CPT1C: variants seen among roughly 807,000 people sequenced by gnomAD.
CPT1C encodes the protein carnitine palmitoyltransferase 1C.
CPT1C carries 61 observed loss-of-function variants against 97.3 expected under a neutral mutation model. The observed-to-expected ratio is 0.63, with a 90% CI of 0.51 to 0.78. The LOEUF (loss-of-function observed/expected upper bound fraction) is 0.78. CPT1C is among the 30% of genes least tolerant of loss of function. The pLI is 0.00. For synonymous variants in CPT1C, 469 were observed against 447.2 expected (o/e 1.05, Z -0.61); for missense variants, 975 against 1,065.5 (o/e 0.92, Z 1.18).
chr19:49,712,624 G>A (rs1353525627), intron 17 of CPT1C, 112 bp from the exon 18 acceptor site: 1 of 758,982 alleles, frequency 1.3e-6, no homozygotes, highest in East Asian at 2.7e-5. Flanking sequence ...TAGGGAGAAG[G>A]AGGCCCGGAT....
chr19:49,711,978 A>G lies in CPT1C; in HGVS notation c.2019+17A>G, dbSNP rs538359078. 29 of 1,608,238 alleles carry G rather than the reference A, an allele frequency of 1.8e-5. No individual in the cohort carries two copies. The highest frequency in any genetic ancestry group is 4.5e-5 in the East Asian group (2 of 44,732). On this transcript the variant is annotated intron_variant, in intron 17 of 19. Coordinates refer to ENST00000598293, the MANE Select transcript of CPT1C (RefSeq NM_001199753.2). The stretch of plus-strand genomic sequence containing the variant: ...CTGACCCAGGTTGGGGCACAGGGAA[A>G]GGGTTAGAGAGGGAAGTGGGAGACC...
rs2082973222 is a variant in CPT1C at position 49,700,808 on chromosome 19, C to T, written c.406C>T (p.Leu136Phe). The T allele has an allele frequency of 6.2e-7, 1 of 1,613,426 alleles. No homozygotes were observed. Among genetic ancestry groups the T allele is most frequent in the Admixed American group, 1.7e-5 (1 of 60,022 alleles). ...LRLLLSYHGWLLEPHGAMSSP... is the reference protein window; with the variant it reads ...LRLLLSYHGWFLEPHGAMSSP... The stretch of plus-strand genomic sequence containing the variant: ...GCTGCTTCTGTCCTACCACGGCTGG[C>T]TTCTTGAGCCCCACGGAGCCATGTC... Residue 136 changes from leucine to phenylalanine, a missense_variant, in exon 5 of 20, where the codon CTT becomes TTT. Transcript: ENST00000598293.
intron 19 of CPT1C, 108 bp downstream of exon 19, chr19:49,713,172 C>T (rs2084025678): frequency 2.9e-6 from 3 of 1,023,872 alleles, no homozygotes; most frequent in Non-Finnish European, 4.5e-6. Context: ...CCAGCCCCTC[C>T]TCCCTCAGAC....
chr19:49,695,935 A>G (rs1248265802), intron 3 of CPT1C, among the ~76,000 whole-genome samples: 1 of 151,414 alleles, frequency 6.6e-6, no homozygotes, highest in Non-Finnish European at 1.5e-5. Flanking sequence ...GGAGTGCAAT[A>G]GCAGGATCTT....
Position 49,710,893 on chromosome 19 carries a change from C to A in CPT1C, c.1866+36C>A, listed in dbSNP as rs148792995. On this transcript the variant is annotated intron_variant, in intron 16 of 19. Transcript: ENST00000598293. ...CCCTCGCTTGAGGCTTCAGTTATTT[C>A]TGTGTACTCACTCATCCACTTGCAA... 5.6e-5 allele frequency: 88 copies of A among 1,584,810 alleles called. 1 individual carries two copies. In the African/African-American group the frequency reaches 1.1e-3, roughly 19 times the overall value.
rs370066575 is a variant in CPT1C at position 49,692,409 on chromosome 19, G to A, written c.141+16G>A. 4.3e-6 allele frequency: 7 copies of A among 1,613,432 alleles called. No homozygotes were observed. In the African/African-American group the frequency reaches 8.0e-5, roughly 18 times the overall value. Reference sequence around the variant, plus strand: ...ACGTTTCTGGGTGAGGAGCGGTGCTGGTCGGTTTCCTTCCGGGGATCCAGG... The same window carrying A: ...ACGTTTCTGGGTGAGGAGCGGTGCTAGTCGGTTTCCTTCCGGGGATCCAGG... On this transcript the variant is annotated intron_variant, in intron 3 of 19. Coordinates refer to ENST00000598293, the MANE Select transcript of CPT1C (RefSeq NM_001199753.2).
At chr19:49,709,663 T>C (rs1337162637) in intron 14 of CPT1C, among the ~76,000 whole-genome samples, 4 of 151,190 alleles carry the variant, frequency 2.6e-5, no homozygotes, top group Non-Finnish European at 4.4e-5. Flanking sequence ...CAAGCGATTC[T>C]CTTGCCTCAG....
In CPT1C at chr19:49,710,498, C is replaced by T; in HGVS notation, c.1731+14C>T. On this transcript the variant is annotated intron_variant, in intron 15 of 19. Transcript: ENST00000598293. ...GCCCACTTCCGGGTCAGTTGGGTTC[C>T]CCATCCACAGCCCCCGCAGGGTCTC... 1 of 1,614,116 alleles carries T rather than the reference C, an allele frequency of 6.2e-7. No individual in the cohort carries two copies. The highest frequency in any genetic ancestry group is 2.2e-5 in the East Asian group (1 of 44,874).
chr19:49,693,549 T>C (rs1219379781), intron 3 of CPT1C, among the ~76,000 whole-genome samples: 2 of 152,230 alleles, frequency 1.3e-5, no homozygotes, highest in African/African-American at 4.8e-5. Context: ...ATATTGTTCT[T>C]CATTCATTCA....
intron 3 of CPT1C, among the ~76,000 whole-genome samples, chr19:49,694,343 G>A (rs1419570389): frequency 6.6e-6 from 1 of 151,524 alleles, no homozygotes; most frequent in Non-Finnish European, 1.5e-5. Flanking sequence ...AAATAAGGGG[G>A]TGGCAGGCCA....
At chr19:49,703,479 G>A in intron 7 of CPT1C, among the ~76,000 whole-genome samples, 1 of 150,692 alleles carries the variant, frequency 6.6e-6, no homozygotes, top group Non-Finnish European at 1.5e-5. Flanking sequence ...GGATTTACAG[G>A]CGTGAGCCAC....
chr19:49,710,657 T>TA, intron 15 of CPT1C, 66 bp from the exon 16 acceptor site: 1 of 1,587,720 alleles, frequency 6.3e-7, no homozygotes, highest in Non-Finnish European at 8.6e-7. Context: ...TGGACAGAGA[T>TA]AGGTCAAGTC....
intron 18 of CPT1C, 23 bp downstream of exon 18, chr19:49,712,872 G>A (rs758465767): frequency 4.4e-6 from 7 of 1,601,550 alleles, no homozygotes; most frequent in African/African-American, 1.3e-5. Flanking sequence ...GGGCGCGCTG[G>A]CCCCCAGAGG....
chr19:49,706,262 A>G lies in CPT1C; in HGVS notation c.1192A>G (p.Lys398Glu), dbSNP rs2083493394. The change falls in exon 12 of 20, where the codon AAG becomes GAG. Residue 398 changes from lysine (K) to glutamate (E), a missense_variant. By Grantham distance (56) the Lys-to-Glu change is moderately conservative (BLOSUM62 1). Transcript: ENST00000598293. This position sits in a 1 kb window ranked among gnomAD's most constrained non-coding sequence, Gnocchi z 4.8. ...GTGGGCCCAGGTGCGGACATCCCTGAAGACCCAGGCAGCGGAGGCCCTGGA... is the reference window on the plus strand; with the variant it reads ...GTGGGCCCAGGTGCGGACATCCCTGGAGACCCAGGCAGCGGAGGCCCTGGA... ...GTWAQVRTSL[K>E]TQAAEALEAV... is the part of the protein sequence containing the mutation. 1 of 1,541,904 alleles carries G rather than the reference A, an allele frequency of 6.5e-7. No individual in the cohort carries two copies. Among genetic ancestry groups the G allele is most frequent in the South Asian group, 1.2e-5 (1 of 81,936 alleles).
chr19:49,696,374 C>T (rs1248779632), intron 3 of CPT1C: 4 of 152,130 alleles, frequency 2.6e-5, no homozygotes, highest in African/African-American at 9.7e-5. Flanking sequence ...TCATTCATTC[C>T]ATGCCCTGGT....
chr19:49,698,211 C>A (rs1194998170), intron 4 of CPT1C, among the ~76,000 whole-genome samples: 1 of 148,730 alleles, frequency 6.7e-6, no homozygotes, highest in Non-Finnish European at 1.5e-5. Flanking sequence ...CTAAAAATAA[C>A]AAAAAATTAG....
At position 49,712,809 on chromosome 19, in the gene CPT1C, A is replaced by G. The variant is rs1027394861; in HGVS notation, c.2093A>G (p.Asn698Ser). Residue 698 changes from asparagine to serine, a missense_variant, in exon 18 of 20, where the codon AAT becomes AGT. Transcript: ENST00000598293. Reference sequence around the variant, plus strand: ...CAAATGCATCTGTTTGACGTCCACAATTACCCGGACTATGTTTCCTCAGGC... The same window carrying G: ...CAAATGCATCTGTTTGACGTCCACAGTTACCCGGACTATGTTTCCTCAGGC... ...VQQMHLFDVH[N>S]YPDYVSSGGG... is the part of the protein sequence containing the mutation. 1.1e-5 allele frequency: 18 copies of G among 1,613,794 alleles called. No homozygotes were observed. The highest frequency in any genetic ancestry group is 1.3e-5 in the Non-Finnish European group (15 of 1,179,986).
intron 14 of CPT1C, 99 bp downstream of exon 14, chr19:49,708,938 C>T (rs2083674091): frequency 1.3e-6 from 1 of 765,928 alleles, no homozygotes; most frequent in Non-Finnish European, 2.2e-6. Context: ...AAATCAACCC[C>T]ATTCCTACCC....
intron 12 of CPT1C, 55 bp from the exon 13 acceptor site, chr19:49,707,463 T>A: frequency 3.1e-6 from 4 of 1,299,836 alleles, no homozygotes; most frequent in Non-Finnish European, 3.3e-6. Flanking sequence ...CAGAAAGCAC[T>A]CTGAGGTCCC....
Sources: gnomAD v4.1 joint callset for allele counts (sites outside exome capture counted in the v4.1 genomes callset) on GRCh38, gnomAD v4.1.1 for gene constraint, Gnocchi (gnomAD v3.1) non-coding constraint, MANE v1.5 for transcripts, NCBI Gene and HGNC (gene_info 2026-07-23, HGNC 2026-07-21) for gene names.